Variants in SLC6A17 observed in about 807,000 individuals in gnomAD.
The protein encoded by SLC6A17 is sodium-dependent neutral amino acid transporter SLC6A17.
SLC6A17 carries 21 observed loss-of-function variants against 64.5 expected under a neutral mutation model. The ratio of observed to expected loss-of-function variants is 0.33; its 90% CI spans 0.23 to 0.47. The LOEUF is 0.47. Among genes scored for constraint, SLC6A17 ranks in the 20% least tolerant of loss-of-function variants. SLC6A17 has a pLI of 1.00. For missense variants in SLC6A17, 682 were observed against 963.2 expected (o/e 0.71, Z 3.86); for synonymous variants, 372 against 399.5 (o/e 0.93, Z 0.82).
intron 1 of SLC6A17, among the ~76,000 whole-genome samples, chr1:110,165,269 A>G (rs375114048): frequency 2.4e-4 from 36 of 152,060 alleles, no homozygotes; most frequent in African/African-American, 8.7e-4. Context: ...CCCTGGGGGG[A>G]GGCCCAGGGC....
At chr1:110,189,894 C>T (rs1347391016) in intron 6 of SLC6A17, among the ~76,000 whole-genome samples, 1 of 152,242 alleles carries the variant, frequency 6.6e-6, no homozygotes, top group Non-Finnish European at 1.5e-5. Context: ...AGATCCCCTT[C>T]TTATGGGCTC....
chr1:110,178,197 A>C (rs1188295019), intron 6 of SLC6A17: 2 of 152,200 alleles, frequency 1.3e-5, no homozygotes, highest in Non-Finnish European at 2.9e-5. Flanking sequence ...TTCCAATTCT[A>C]CTTTACTAAA....
At chr1:110,154,473 G>A (rs977813438) in intron 1 of SLC6A17, among the ~76,000 whole-genome samples, 3 of 152,214 alleles carry the variant, frequency 2.0e-5, no homozygotes, top group African/African-American at 4.8e-5. Context: ...AAATCGGCCT[G>A]TACTAATTGG....
intron 1 of SLC6A17, among the ~76,000 whole-genome samples, chr1:110,162,157 C>T (rs908860862): frequency 3.3e-5 from 5 of 152,196 alleles, no homozygotes; most frequent in South Asian, 2.1e-4. Flanking sequence ...ACGTGTTGCT[C>T]GTGAAAGCCA....
At position 110,176,688 on chromosome 1, in the gene SLC6A17, G is replaced by A. The variant is rs1212538368; in HGVS notation, c.813G>A (p.Gly271=). The change falls in exon 6 of 12, where the codon GGG becomes GGA. Residue 271 remains glycine (G), a synonymous_variant. Transcript: ENST00000331565. ...TGCTGGCCTGCTTCCTGGTCCGGGG[G>A]CTGTTGCTGCGAGGGGCAGTTGATG... The part of the protein sequence containing the change: ...YVVLACFLVR[G]LLLRGAVDGI... 6.2e-7 allele frequency: 1 copy of A among 1,614,066 alleles called. No homozygotes were observed.
intron 6 of SLC6A17, among the ~76,000 whole-genome samples, chr1:110,189,431 G>A (rs907130214): frequency 1.9e-4 from 29 of 152,032 alleles, no homozygotes; most frequent in Non-Finnish European, 7.3e-5. Flanking sequence ...TTTGTCCTGC[G>A]AAGATCTCTC....
intron 1 of SLC6A17, among the ~76,000 whole-genome samples, chr1:110,164,577 A>C (rs533201467): frequency 6.6e-4 from 101 of 152,370 alleles, no homozygotes; most frequent in African/African-American, 2.3e-3. Flanking sequence ...TGCATCCTGC[A>C]GACCTAATGG....
At chr1:110,197,980 A>T in intron 11 of SLC6A17, 96 bp from the exon 12 acceptor site, 4 of 1,507,132 alleles carry the variant, frequency 2.7e-6, no homozygotes, top group African/African-American at 1.4e-5. Flanking sequence ...GAGGAGTGGA[A>T]GGCCATGGGT....
At chr1:110,170,846 G>GGTGTGTGT (rs113598904) in intron 2 of SLC6A17, among the ~76,000 whole-genome samples, 5,340 of 150,114 alleles carry the variant, frequency 0.036, 316 homozygotes, top group African/African-American at 0.12. Flanking sequence ...ACTAGTCTGT[G>GGTGTGTGT]GTGTGTGTGT....
At chr1:110,188,618 C>T (rs1163487253) in intron 6 of SLC6A17, among the ~76,000 whole-genome samples, 2 of 152,186 alleles carry the variant, frequency 1.3e-5, no homozygotes, top group African/African-American at 4.8e-5. Flanking sequence ...AATGAGCAGC[C>T]CAAGGGTGGT....
chr1:110,180,397 C>T (rs1214066237), intron 6 of SLC6A17, among the ~76,000 whole-genome samples: 1 of 152,216 alleles, frequency 6.6e-6, no homozygotes, highest in Non-Finnish European at 1.5e-5. Flanking sequence ...AACCCCAGCA[C>T]ACTACTGCTA....
chr1:110,155,855 C>T (rs990382527), intron 1 of SLC6A17, among the ~76,000 whole-genome samples: 1 of 152,206 alleles, frequency 6.6e-6, no homozygotes, highest in Non-Finnish European at 1.5e-5. Flanking sequence ...AATTATAAGA[C>T]TCCTGGGTTC....
At position 110,186,407 on chromosome 1, in the gene SLC6A17, T is replaced by C. The variant is rs987886379; in HGVS notation, c.865-5565T>C. On this transcript the variant is annotated intron_variant, in intron 6 of 11. Coordinates refer to ENST00000331565, the MANE Select transcript of SLC6A17 (RefSeq NM_001010898.4). ...CTCACAGGTAGTCTGGACCTTTTTG[T>C]GAAAATGATTGACATAGATAAAAAA... 3.7e-5 allele frequency among the ~76,000 whole-genome samples: 5 copies of C among 133,656 alleles called. No homozygotes were observed. The Admixed American group carries it at 4.0e-4, about 11-fold the overall frequency. 87.7% of individuals were successfully genotyped at this position (133,656 alleles called of 152,430 possible).
chr1:110,163,202 C>A (rs1289769241), intron 1 of SLC6A17, among the ~76,000 whole-genome samples: 1 of 151,964 alleles, frequency 6.6e-6, no homozygotes, highest in African/African-American at 2.4e-5. Context: ...TCCTTTGACA[C>A]TGGGGTGTGG....
At position 110,198,521 on chromosome 1, in the gene SLC6A17, G is replaced by T; in HGVS notation, c.*77G>T. ...GTCCAGGCCTGGCCTCTTTCTTGAG[G>T]TGGCCACCAGGCCCAGGCCAGGCCC... On this transcript the variant is annotated 3_prime_UTR_variant, in exon 12 of 12. Transcript: ENST00000331565. 1 of 1,529,228 alleles carries T rather than the reference G, an allele frequency of 6.5e-7. No homozygotes were observed. 94.7% of individuals were successfully genotyped at this position (1,529,228 alleles called of 1,614,324 possible).
At position 110,167,028 on chromosome 1, in the gene SLC6A17, TA is replaced by T; in HGVS notation, c.101del (p.Lys34SerfsTer5). On this transcript the variant is annotated frameshift_variant, in exon 2 of 12. Transcript: ENST00000331565. LOFTEE classifies it high-confidence loss of function. ...LLALEEPVDY[K>X]QSVLNVAGEA... is the part of the protein sequence containing the mutation. ...TGGCCCTCGAGGAGCCTGTGGACTA[TA>T]AGCAGAGTGTACTGAATGTGGCTGG... 6.2e-7 allele frequency: 1 copy of T among 1,612,930 alleles called. No individual in the cohort carries two copies. The highest frequency in any genetic ancestry group is 8.5e-7 in the Non-Finnish European group (1 of 1,179,590).
intron 6 of SLC6A17, chr1:110,177,498 T>G (rs1656405990): frequency 6.6e-6 from 1 of 152,256 alleles, no homozygotes. Context: ...TGGGCACAAC[T>G]GGCATGCCTC....
rs1657083576 is a variant in SLC6A17, at chr1:110,200,089, G to A, written c.*1645G>A. 5.0e-6 allele frequency: 2 copies of A among 398,510 alleles called. No individual in the cohort carries two copies. Among genetic ancestry groups the A allele is most frequent in the Non-Finnish European group, 8.8e-6 (2 of 226,038 alleles). 24.7% of individuals were successfully genotyped at this position (398,510 alleles called of 1,614,324 possible). On this transcript the variant is annotated 3_prime_UTR_variant, in exon 12 of 12. Transcript: ENST00000331565. ...CAGTGCTCAACCCGGACACCCTCAC[G>A]AAGGGTCGCAAGTCACTCTTGTGGC...
chr1:110,172,170 C>T lies in SLC6A17; in HGVS notation c.397C>T (p.His133Tyr), dbSNP rs1249285509. 1 of 1,611,114 alleles carries T rather than the reference C, an allele frequency of 6.2e-7. No individual in the cohort carries two copies. Among genetic ancestry groups the T allele is most frequent in the South Asian group, 1.1e-5 (1 of 90,494 alleles). Residue 133 changes from histidine to tyrosine, a missense_variant, in exon 3 of 12, where the codon CAC becomes TAC. Physicochemically the swap from His to Tyr is moderately conservative, Grantham distance 83. Transcript: ENST00000331565. ...RIRRGSIGVW[H>Y]YICPRLGGIG... is the part of the protein sequence containing the mutation. ...CCGCCGCGGCAGCATCGGTGTGTGG[C>T]ACTATATATGTCCCCGCCTGGGGGG...
Sources: gnomAD v4.1 joint callset for allele counts (sites outside exome capture counted in the v4.1 genomes callset) on GRCh38, gnomAD v4.1.1 for gene constraint, MANE v1.5 for transcripts, NCBI Gene and HGNC (gene_info 2026-07-23, HGNC 2026-07-21) for gene names.